ERG: variants seen among roughly 807,000 people sequenced by gnomAD.
The protein encoded by ERG is transcriptional regulator ERG.
Under a neutral mutation model 55.3 loss-of-function variants are expected in ERG, and 9 were observed. That is an observed-to-expected ratio of 0.16 (90% CI 0.10 to 0.28). ERG has a LOEUF of 0.28. Among genes scored for constraint, ERG ranks in the 10% least tolerant of loss-of-function variants. The pLI, the probability that ERG is intolerant of heterozygous loss-of-function variation, is 1.00. For missense variants in ERG, 434 were observed against 631.6 expected (o/e 0.69, Z 3.35); for synonymous variants, 223 against 237.3 (o/e 0.94, Z 0.55).
chr21:38,426,747 A>G (rs899043199), intron 2 of ERG, among the ~76,000 whole-genome samples: 1 of 150,696 alleles, frequency 6.6e-6, no homozygotes, highest in Admixed American at 6.6e-5. Flanking sequence ...CCTGACCAAC[A>G]TGGAAAAACC....
chr21:38,535,054 A>G (rs1157567794), intron 2 of ERG, among the ~76,000 whole-genome samples: 1 of 152,080 alleles, frequency 6.6e-6, no homozygotes, highest in African/African-American at 2.4e-5. Context: ...CTATCAACCC[A>G]TCACCTAGGT....
intron 1 of ERG, among the ~76,000 whole-genome samples, chr21:38,448,826 C>T (rs1276726415): frequency 6.6e-6 from 1 of 152,176 alleles, no homozygotes; most frequent in Non-Finnish European, 1.5e-5. Flanking sequence ...CCTGTGACTT[C>T]AAAGGGGAGA....
chr21:38,484,906 T>C (rs1037631238), intron 1 of ERG, among the ~76,000 whole-genome samples: 8 of 152,122 alleles, frequency 5.3e-5, no homozygotes, highest in Non-Finnish European at 1.5e-5. Context: ...TTCTGTACAG[T>C]ACATAATAGT....
At chr21:38,559,212 T>G (rs571747595) in intron 2 of ERG, among the ~76,000 whole-genome samples, 4 of 152,078 alleles carry the variant, frequency 2.6e-5, no homozygotes, top group Non-Finnish European at 5.9e-5. Context: ...TACTTTTTTT[T>G]CTGGTCCAAA....
chr21:38,649,428 G>A (rs1022056994), intron 1 of ERG, among the ~76,000 whole-genome samples: 1 of 152,142 alleles, frequency 6.6e-6, no homozygotes, highest in African/African-American at 2.4e-5. Context: ...TGGTTACCGG[G>A]GATGACACGC....
At chr21:38,461,640 C>T (rs759710236) in intron 1 of ERG, among the ~76,000 whole-genome samples, 27 of 152,202 alleles carry the variant, frequency 1.8e-4, no homozygotes, top group Non-Finnish European at 2.5e-4. Flanking sequence ...CCTCTAAGGG[C>T]AGGCATAAGC....
chr21:38,429,945 GT>G (rs1441240978), intron 2 of ERG, among the ~76,000 whole-genome samples: 1 of 152,092 alleles, frequency 6.6e-6, no homozygotes, highest in Non-Finnish European at 1.5e-5. Flanking sequence ...TTTCCATACT[GT>G]TTTCCACAGT....
rs532593157 is a variant in ERG, at chr21:38,481,537, G to A, written c.18+16826C>T. On this transcript the variant is annotated intron_variant, in intron 1 of 9. Transcript: ENST00000288319. The stretch of plus-strand genomic sequence containing the variant: ...CTGGATAATCTTAAATTTACAGAAG[G>A]GTTTTCAGTTTTACTATTTGGCTTA... 1.2e-4 allele frequency among the ~76,000 whole-genome samples: 18 copies of A among 152,154 alleles called. 1 individual carries two copies. The East Asian group carries it at 3.5e-3, about 29-fold the overall frequency.
intron 2 of ERG, among the ~76,000 whole-genome samples, chr21:38,520,236 T>C (rs146229078): frequency 1.3e-5 from 2 of 152,322 alleles, no homozygotes; most frequent in African/African-American, 4.8e-5. Context: ...AAGACCCTTC[T>C]TGTCCCTTGG....
At chr21:38,501,061 C>CTTTTT (rs34639260), upstream of ERG, among the ~76,000 whole-genome samples, 6 of 81,158 alleles carry the variant, frequency 7.4e-5, no homozygotes, top group African/African-American at 1.0e-4. Context: ...CAAGGCACAT[C>CTTTTT]TTTTTTTTTT....
At position 38,460,162 on chromosome 21, in the gene ERG, C is replaced by T. The variant is rs1242697707; in HGVS notation, c.19-14541G>A. On this transcript the variant is annotated intron_variant, in intron 1 of 9. Transcript: ENST00000288319. The surrounding 1 kb of genome is among the most constrained non-coding windows in gnomAD (Gnocchi z 5.0). ...GCTAGAACAAGGCCAGAGTGGACTGCGGGGGCTGCACGAGGAACAATGGGA... is the reference window on the plus strand; with the variant it reads ...GCTAGAACAAGGCCAGAGTGGACTGTGGGGGCTGCACGAGGAACAATGGGA... Among the ~76,000 whole-genome samples, 7 of 151,986 alleles carry T rather than the reference C, an allele frequency of 4.6e-5. 1 individual carries two copies. The highest frequency in any genetic ancestry group is 6.6e-5 in the Admixed American group (1 of 15,238).
intron 2 of ERG, among the ~76,000 whole-genome samples, chr21:38,548,560 G>A (rs181520054): frequency 0.013 from 1,840 of 146,440 alleles, 25 homozygotes; most frequent in Non-Finnish European, 0.022. Context: ...CCATTCTCCT[G>A]CCTCAGCCTC....
intron 3 of ERG, among the ~76,000 whole-genome samples, chr21:38,407,647 T>TATATATAA (rs891801676): frequency 8.2e-5 from 12 of 146,682 alleles, no homozygotes; most frequent in South Asian, 2.1e-4. Context: ...TATATATATT[T>TATATATAA]AATGTATATT....
chr21:38,463,037 C>T (rs2059057740), intron 1 of ERG, among the ~76,000 whole-genome samples: 1 of 152,214 alleles, frequency 6.6e-6, no homozygotes, highest in South Asian at 2.1e-4. Context: ...GACTCCCTGC[C>T]TATCTCCCAG....
chr21:38,476,195 A>G (rs2059185188), intron 1 of ERG, among the ~76,000 whole-genome samples: 1 of 152,136 alleles, frequency 6.6e-6, no homozygotes, highest in Admixed American at 6.5e-5. Flanking sequence ...AGTCCTTAGG[A>G]ATGAAAATCT....
chr21:38,398,186 A>G (rs1438709246), intron 6 of ERG, among the ~76,000 whole-genome samples: 3 of 152,220 alleles, frequency 2.0e-5, no homozygotes, highest in East Asian at 1.9e-4. Flanking sequence ...TAGTGATGCA[A>G]AAGCTCTTCC....
chr21:38,456,844 G>A (rs1034087258), intron 1 of ERG, among the ~76,000 whole-genome samples: 1 of 152,172 alleles, frequency 6.6e-6, no homozygotes, highest in Admixed American at 6.5e-5. Flanking sequence ...GCATGGAAAG[G>A]GGACTAAGTA....
intron 1 of ERG, among the ~76,000 whole-genome samples, chr21:38,659,166 G>A (rs1320426181): frequency 6.6e-6 from 1 of 152,154 alleles, no homozygotes; most frequent in African/African-American, 2.4e-5. Flanking sequence ...GACCCAAACC[G>A]AAGCTAGGAT....
the ERG span, among the ~76,000 whole-genome samples, chr21:38,373,909 T>C: frequency 6.6e-6 from 1 of 152,202 alleles, no homozygotes; most frequent in East Asian, 1.9e-4. Context: ...AAAATGTATA[T>C]TGTTATTGTC....
Sources: allele counts gnomAD v4.1 joint callset (sites outside exome capture counted in the v4.1 genomes callset), GRCh38; gene constraint gnomAD v4.1.1; non-coding constraint Gnocchi (gnomAD v3.1); transcripts MANE v1.5; gene names NCBI Gene and HGNC (gene_info 2026-07-23, HGNC 2026-07-21).